ULK4: variants seen among roughly 807,000 people sequenced by gnomAD.
The protein encoded by ULK4 is unc-51 like kinase 4.
In ULK4, 133 loss-of-function variants were observed where a neutral mutation model predicts 160.6. The ratio of observed to expected loss-of-function variants is 0.83; its 90% CI spans 0.72 to 0.96. The LOEUF is 0.96. ULK4 is among the 40% of genes least tolerant of loss of function. ULK4 has a pLI of 0.00. For synonymous variants in ULK4, 534 were observed against 539.8 expected (o/e 0.99, Z 0.15); for missense variants, 1,580 against 1,499.5 (o/e 1.05, Z -0.89).
intron 2 of ULK4, among the ~76,000 whole-genome samples, chr3:41,940,030 T>G (rs80052351): frequency 2.8e-5 from 4 of 144,004 alleles, no homozygotes; most frequent in Non-Finnish European, 4.6e-5. Flanking sequence ...GTTTTTGTTG[T>G]TTTTTTTTTT....
chr3:41,933,068 T>C (rs544308038), intron 4 of ULK4, among the ~76,000 whole-genome samples: 99 of 152,300 alleles, frequency 6.5e-4, no homozygotes, highest in African/African-American at 2.3e-3. Context: ...ATAAAGGCAA[T>C]GTGAAGTTAA....
intron 17 of ULK4, among the ~76,000 whole-genome samples, chr3:41,857,931 T>C (rs1007356501): frequency 3.3e-5 from 5 of 152,112 alleles, no homozygotes; most frequent in Non-Finnish European, 7.4e-5. Context: ...ATCTTTCATA[T>C]TGTTTCTCCA....
At chr3:41,899,640 A>G (rs1698282298) in intron 13 of ULK4, among the ~76,000 whole-genome samples, 1 of 152,096 alleles carries the variant, frequency 6.6e-6, no homozygotes, top group Non-Finnish European at 1.5e-5. Flanking sequence ...TTCATCAGCT[A>G]TCGTTAGTGT....
intron 17 of ULK4, among the ~76,000 whole-genome samples, chr3:41,848,232 T>G (rs993300632): frequency 6.6e-6 from 1 of 152,112 alleles, no homozygotes; most frequent in Non-Finnish European, 1.5e-5. Context: ...GATAATAAAC[T>G]GTCAGGAAAA....
At chr3:41,578,478 C>A (rs957955567) in intron 31 of ULK4, among the ~76,000 whole-genome samples, 12 of 152,152 alleles carry the variant, frequency 7.9e-5, no homozygotes, top group Admixed American at 1.3e-4. Context: ...ACACGCTATA[C>A]CATCTTGAAG....
At chr3:41,552,115 T>C (rs973334657) in intron 32 of ULK4, among the ~76,000 whole-genome samples, 9 of 151,930 alleles carry the variant, frequency 5.9e-5, no homozygotes, top group East Asian at 1.9e-4. Flanking sequence ...TACCTCAGTA[T>C]ATAGTAATAA....
At chr3:41,561,311 T>C (rs1045750300) in intron 32 of ULK4, among the ~76,000 whole-genome samples, 53 of 152,312 alleles carry the variant, frequency 3.5e-4, no homozygotes, top group Admixed American at 2.0e-4. Flanking sequence ...TCAAGGATAT[T>C]GGTCTAAAAT....
At chr3:41,591,130 T>C (rs945243227) in intron 31 of ULK4, among the ~76,000 whole-genome samples, 3 of 151,744 alleles carry the variant, frequency 2.0e-5, no homozygotes, top group Non-Finnish European at 4.4e-5. Context: ...AAAGAACAAG[T>C]ATAAAAATGA....
At chr3:41,593,680 T>C (rs1425743097) in intron 31 of ULK4, among the ~76,000 whole-genome samples, 1 of 152,186 alleles carries the variant, frequency 6.6e-6, no homozygotes, top group Non-Finnish European at 1.5e-5. Context: ...CTTCAGGCTT[T>C]TCTTTATATT....
At chr3:41,792,451 C>G (rs1045524048) in intron 20 of ULK4, among the ~76,000 whole-genome samples, 2 of 151,996 alleles carry the variant, frequency 1.3e-5, no homozygotes, top group African/African-American at 4.8e-5. Flanking sequence ...CCTTAAAGAT[C>G]AGAATTTTTC....
intron 34 of ULK4, among the ~76,000 whole-genome samples, chr3:41,416,877 G>A (rs1251404563): frequency 6.6e-6 from 1 of 152,188 alleles, no homozygotes; most frequent in Non-Finnish European, 1.5e-5. Flanking sequence ...ACTAGAGTTA[G>A]AATAAGGAAT....
chr3:41,812,261 G>A (rs2040839977), intron 19 of ULK4, among the ~76,000 whole-genome samples: 3 of 152,102 alleles, frequency 2.0e-5, no homozygotes, highest in Non-Finnish European at 4.4e-5. Context: ...TTCCAGCCCA[G>A]GTGAGAGAGC....
At chr3:41,360,618 A>G (rs1156867940) in intron 35 of ULK4, among the ~76,000 whole-genome samples, 1 of 152,170 alleles carries the variant, frequency 6.6e-6, no homozygotes, top group African/African-American at 2.4e-5. Context: ...CTTTGCAGGG[A>G]CATGGTTGGA....
intron 27 of ULK4, among the ~76,000 whole-genome samples, chr3:41,692,273 G>C (rs1559488848): frequency 6.6e-6 from 1 of 152,012 alleles, no homozygotes; most frequent in South Asian, 2.1e-4. Flanking sequence ...CTAATTCATA[G>C]TGAGAAAACC....
intron 35 of ULK4, among the ~76,000 whole-genome samples, chr3:41,390,700 G>A (rs1268422979): frequency 6.6e-6 from 1 of 152,102 alleles, no homozygotes; most frequent in Non-Finnish European, 1.5e-5. Context: ...TTAATCTTGA[G>A]TTCTAGTTTG....
intron 34 of ULK4, among the ~76,000 whole-genome samples, chr3:41,403,553 G>T (rs1317929087): frequency 6.6e-6 from 1 of 151,504 alleles, no homozygotes; most frequent in East Asian, 1.9e-4. Context: ...TTGTTTCATT[G>T]ATTTCTCTGT....
intron 17 of ULK4, among the ~76,000 whole-genome samples, chr3:41,867,719 C>T (rs1212585175): frequency 6.6e-6 from 1 of 152,222 alleles, no homozygotes; most frequent in Non-Finnish European, 1.5e-5. Flanking sequence ...AATTGTGATG[C>T]ACAGAGTCTT....
chr3:41,477,881 T>A (rs2084193079), intron 32 of ULK4, among the ~76,000 whole-genome samples: 1 of 152,238 alleles, frequency 6.6e-6, no homozygotes, highest in Non-Finnish European at 1.5e-5. Flanking sequence ...CATTTCTGAA[T>A]CATCTCAGTG....
intron 35 of ULK4, among the ~76,000 whole-genome samples, chr3:41,338,488 C>T (rs1191056356): frequency 6.6e-6 from 1 of 152,192 alleles, no homozygotes; most frequent in Non-Finnish European, 1.5e-5. Flanking sequence ...ACTTTCCCCA[C>T]AAGCCTTTCT....
Sources: gnomAD v4.1 joint callset for allele counts (sites outside exome capture counted in the v4.1 genomes callset) on GRCh38, gnomAD v4.1.1 for gene constraint, MANE v1.5 for transcripts, NCBI Gene and HGNC (gene_info 2026-07-23, HGNC 2026-07-21) for gene names.